CSGALNACT1: variants seen among roughly 807,000 people sequenced by gnomAD.
CSGALNACT1 encodes beta4GalNAcT-1.
CSGALNACT1 carries 52 observed loss-of-function variants against 51.0 expected under a neutral mutation model. The observed-to-expected ratio is 1.02, with a 90% CI of 0.82 to 1.29. The LOEUF (loss-of-function observed/expected upper bound fraction) is 1.29. Ranked by LOEUF, CSGALNACT1 falls within the 50% of genes most tolerant of loss-of-function variation. The pLI, the probability that CSGALNACT1 is intolerant of heterozygous loss-of-function variation, is 0.00. For synonymous variants in CSGALNACT1, 341 were observed against 254.4 expected (o/e 1.34, Z -3.24); for missense variants, 935 against 679.2 (o/e 1.38, Z -4.19).
At chr8:19,716,106 G>A (rs906730751) in intron 1 of CSGALNACT1, among the ~76,000 whole-genome samples, 13 of 152,174 alleles carry the variant, frequency 8.5e-5, no homozygotes, top group African/African-American at 3.1e-4. Flanking sequence ...GGCATTTTCA[G>A]TGATCCTGCC....
intron 3 of CSGALNACT1, among the ~76,000 whole-genome samples, chr8:19,553,925 A>C (rs989214244): frequency 4.0e-5 from 6 of 151,514 alleles, no homozygotes; most frequent in Non-Finnish European, 7.4e-5. Context: ...ACACACACAC[A>C]CCCAGAATCA....
intron 1 of CSGALNACT1, among the ~76,000 whole-genome samples, chr8:19,619,861 T>C (rs2053589654): frequency 6.6e-6 from 1 of 152,146 alleles, no homozygotes; most frequent in Non-Finnish European, 1.5e-5. Flanking sequence ...AGAGGCAGTA[T>C]AATGCAGTGG....
In CSGALNACT1 at chr8:19,542,671, C is replaced by T. The variant is rs564498176; in HGVS notation, c.-296-36541G>A. Among the ~76,000 whole-genome samples, 11 of 152,196 alleles carry T rather than the reference C, an allele frequency of 7.2e-5. 1 individual carries two copies. Among genetic ancestry groups the T allele is most frequent in the African/African-American group, 2.4e-4 (10 of 41,518 alleles). The stretch of plus-strand genomic sequence containing the variant: ...GACTCCTAGTAGGAAGGTAAATAGG[C>T]GGCCACTTCTGCCAGCCATCTCTTC... On this transcript the variant is annotated intron_variant, in intron 3 of 9. Transcript: ENST00000454498.
chr8:19,606,705 C>T (rs978018591), upstream of CSGALNACT1, among the ~76,000 whole-genome samples: 2 of 152,126 alleles, frequency 1.3e-5, no homozygotes, highest in African/African-American at 2.4e-5. Context: ...AAGTGGGTCA[C>T]CCTGCTTTTC....
intron 6 of CSGALNACT1, among the ~76,000 whole-genome samples, chr8:19,433,851 C>T (rs568928028): frequency 6.6e-6 from 1 of 152,282 alleles, no homozygotes; most frequent in East Asian, 1.9e-4. Flanking sequence ...CACAATTCTT[C>T]TTATTTCAGT....
At chr8:19,693,164 G>A (rs2154216648) in intron 1 of CSGALNACT1, among the ~76,000 whole-genome samples, 1 of 152,260 alleles carries the variant, frequency 6.6e-6, no homozygotes, top group East Asian at 1.9e-4. Context: ...GGCTCCAGCT[G>A]GGTTTAAGTG....
At chr8:19,424,589 G>A (rs185744196) in intron 6 of CSGALNACT1, among the ~76,000 whole-genome samples, 3 of 152,288 alleles carry the variant, frequency 2.0e-5, no homozygotes, top group Admixed American at 2.0e-4. Flanking sequence ...ACCAGTACTG[G>A]CCATGTGGGC....
At chr8:19,735,974 T>C (rs960984610) in intron 1 of CSGALNACT1, among the ~76,000 whole-genome samples, 1 of 152,220 alleles carries the variant, frequency 6.6e-6, no homozygotes, top group Admixed American at 6.5e-5. Context: ...ATTTTCAACA[T>C]TTGGTAAGTT....
intron 9 of CSGALNACT1, among the ~76,000 whole-genome samples, chr8:19,406,552 T>G (rs1332231030): frequency 6.8e-6 from 1 of 147,068 alleles, no homozygotes; most frequent in African/African-American, 2.5e-5. Context: ...TGATTACACA[T>G]TGTATGCCTG....
chr8:19,417,239 C>T (rs1301008302), intron 8 of CSGALNACT1, among the ~76,000 whole-genome samples: 2 of 152,110 alleles, frequency 1.3e-5, no homozygotes, highest in Non-Finnish European at 2.9e-5. Flanking sequence ...AACAGATACA[C>T]AGTATATCTG....
chr8:19,714,754 AT>A (rs34963187), intron 1 of CSGALNACT1, among the ~76,000 whole-genome samples: 67,291 of 145,730 alleles, frequency 0.46, 15,543 homozygotes, highest in East Asian at 0.65. Flanking sequence ...CTCCTGGGAT[AT>A]TTTTTTTTTT....
intron 4 of CSGALNACT1, among the ~76,000 whole-genome samples, chr8:19,501,025 C>T (rs537310106): frequency 2.0e-5 from 3 of 151,968 alleles, no homozygotes; most frequent in South Asian, 2.1e-4. Flanking sequence ...TGAGATGGGC[C>T]GATCACTTGA....
intron 1 of CSGALNACT1, among the ~76,000 whole-genome samples, chr8:19,641,233 C>T (rs533079502): frequency 1.6e-4 from 24 of 151,188 alleles, no homozygotes; most frequent in Non-Finnish European, 2.7e-4. Context: ...GGTACCACAA[C>T]GCCAGCCTCA....
chr8:19,634,665 T>TA (rs1362965913), intron 1 of CSGALNACT1, among the ~76,000 whole-genome samples: 1 of 151,840 alleles, frequency 6.6e-6, no homozygotes, highest in African/African-American at 2.4e-5. Context: ...TGTCTCAATA[T>TA]TTTTTTTAAA....
intron 2 of CSGALNACT1, chr8:19,591,312 T>A (rs762611344): frequency 6.6e-6 from 1 of 152,134 alleles, no homozygotes; most frequent in Admixed American, 6.6e-5. Flanking sequence ...AAGAATTACT[T>A]AAATACACCC....
At chr8:19,581,414 A>T (rs149838314) in intron 3 of CSGALNACT1, among the ~76,000 whole-genome samples, 1 of 152,242 alleles carries the variant, frequency 6.6e-6, no homozygotes, top group Non-Finnish European at 1.5e-5. Context: ...AAACTCCCCA[A>T]ATTAAAATGT....
Position 19,600,170 on chromosome 8 carries a change from C to A in CSGALNACT1, c.-416+1601G>T, listed in dbSNP as rs138907584. Among the ~76,000 whole-genome samples, 1,182 of 152,256 alleles carry A rather than the reference C, an allele frequency of 7.8e-3. 17 individuals carry two copies. Among genetic ancestry groups the A allele is most frequent in the African/African-American group, 0.027 (1,116 of 41,536 alleles). On this transcript the variant is annotated intron_variant, in intron 2 of 9. Coordinates refer to ENST00000454498, the Ensembl canonical transcript of CSGALNACT1. ...TCATCTTGGCTCACTGCAACCTCCA[C>A]CTCCCCTGTTCAAGCGATTCTTCTG... is the stretch of plus-strand genomic sequence containing the variant.
intron 4 of CSGALNACT1, among the ~76,000 whole-genome samples, chr8:19,472,965 T>C (rs911476798): frequency 6.6e-6 from 1 of 152,224 alleles, no homozygotes; most frequent in Non-Finnish European, 1.5e-5. Flanking sequence ...ATAACTATAA[T>C]AATTGTTCTT....
chr8:19,418,832 C>T lies in CSGALNACT1; in HGVS notation c.1133-82G>A, dbSNP rs1283217027. 11 of 949,812 alleles carry T rather than the reference C, an allele frequency of 1.2e-5. No individual in the cohort carries two copies. The South Asian group carries it at 1.3e-4, about 12-fold the overall frequency. The allele number at this position is 949,812 out of a possible 1,614,324, so 58.8% of individuals were successfully genotyped here. ...TTCCTTGACATTTGGCCCTCTGAAA[C>T]ACCCCAGATATTTGCACCCACTTTT... On this transcript the variant is annotated intron_variant, in intron 7 of 9. Transcript: ENST00000454498.
Sources: gnomAD v4.1 joint callset for allele counts (sites outside exome capture counted in the v4.1 genomes callset) on GRCh38, gnomAD v4.1.1 for gene constraint, MANE v1.5 for transcripts, NCBI Gene and HGNC (gene_info 2026-07-23, HGNC 2026-07-21) for gene names.